Variants in MTRFR observed in about 807,000 individuals in gnomAD.
MTRFR encodes mitochondrial translation release factor in rescue.
Under a neutral mutation model 11.9 loss-of-function variants are expected in MTRFR, and 10 were observed. That is an observed-to-expected ratio of 0.84 (90% confidence interval 0.52 to 1.42). The LOEUF (loss-of-function observed/expected upper bound fraction) is 1.42. MTRFR is among the 40% of genes most tolerant of loss of function. MTRFR has a pLI of 0.00. For synonymous variants in MTRFR, 77 were observed against 79.1 expected (o/e 0.97, Z 0.14); for missense variants, 196 against 197.9 (o/e 0.99, Z 0.06).
At chr12:123,234,427 T>C (rs558928477) in intron 1 of MTRFR, among the ~76,000 whole-genome samples, 1 of 152,156 alleles carries the variant, frequency 6.6e-6, no homozygotes, top group African/African-American at 2.4e-5. Flanking sequence ...ACAAGGTCTC[T>C]CTCTGTCACC....
chr12:123,254,133 T>TCCTC, intron 2 of MTRFR, 177 bp downstream of exon 2: 1 of 687,126 alleles, frequency 1.5e-6, no homozygotes, highest in Non-Finnish European at 2.4e-6. Flanking sequence ...CCTGAGCCAT[T>TCCTC]CCTCCCTAAG....
At chr12:123,249,140 T>C (rs1030626317) in intron 1 of MTRFR, 1 of 152,270 alleles carries the variant, frequency 6.6e-6, no homozygotes, top group African/African-American at 2.4e-5. Flanking sequence ...AGGGTGCTGA[T>C]TGGTGTATTT....
At chr12:123,252,404 C>G (rs2048124082) in intron 1 of MTRFR, 1 of 150,312 alleles carries the variant, frequency 6.7e-6, no homozygotes, top group Non-Finnish European at 1.5e-5. Flanking sequence ...TGCAGTCCAG[C>G]CTGGGCGACA....
intron 1 of MTRFR, among the ~76,000 whole-genome samples, chr12:123,244,912 T>C (rs2048011935): frequency 1.4e-5 from 2 of 143,570 alleles, no homozygotes; most frequent in East Asian, 2.1e-4. Flanking sequence ...ATTACAGGTA[T>C]GAGCCACCGC....
chr12:123,253,069 A>ATTTTTTTTTTT (rs1565997436), intron 1 of MTRFR, among the ~76,000 whole-genome samples: 1 of 42,818 alleles, frequency 2.3e-5, no homozygotes, highest in South Asian at 8.0e-4. Flanking sequence ...CGTTCCTTTG[A>ATTTTTTTTTTT]ATTTTTTTTT....
At chr12:123,242,476 C>T (rs567623729) in intron 1 of MTRFR, among the ~76,000 whole-genome samples, 127 of 152,212 alleles carry the variant, frequency 8.3e-4, no homozygotes, top group Middle Eastern at 3.4e-3. Flanking sequence ...AAATCCAATT[C>T]GTATTTTTTT....
chr12:123,256,219 G>A (rs1455786933), intron 2 of MTRFR, among the ~76,000 whole-genome samples: 1 of 152,126 alleles, frequency 6.6e-6, no homozygotes, highest in Non-Finnish European at 1.5e-5. Flanking sequence ...CACACAAAGT[G>A]GTTGTTAACT....
At chr12:123,238,690 CA>C (rs2047887915) in intron 1 of MTRFR, among the ~76,000 whole-genome samples, 1 of 152,156 alleles carries the variant, frequency 6.6e-6, no homozygotes. Flanking sequence ...TGTTCTGGAA[CA>C]ATGCTTGTCA....
chr12:123,239,648 C>T (rs1280659649), intron 1 of MTRFR, among the ~76,000 whole-genome samples: 2 of 152,232 alleles, frequency 1.3e-5, no homozygotes, highest in East Asian at 3.9e-4. Flanking sequence ...ATGATCTGCC[C>T]GCCTTGGCCT....
chr12:123,241,311 A>ATTTTT (rs1305219767), intron 1 of MTRFR, among the ~76,000 whole-genome samples: 1 of 151,166 alleles, frequency 6.6e-6, no homozygotes, highest in East Asian at 2.0e-4. Context: ...TTTTTATTGT[A>ATTTTT]TTTTTTATTT....
At chr12:123,240,496 A>G (rs2047915897) in intron 1 of MTRFR, 1 of 152,076 alleles carries the variant, frequency 6.6e-6, no homozygotes, top group African/African-American at 2.4e-5. Flanking sequence ...CAATCTTCGT[A>G]AAGCACACTG....
chr12:123,244,287 C>T lies in MTRFR; in HGVS notation c.-28-9360C>T, dbSNP rs980182580. On this transcript the variant is annotated intron_variant, in intron 1 of 2. Coordinates refer to ENST00000253233, the MANE Select transcript of MTRFR (RefSeq NM_152269.5). ...GTCTCTACTAAAAATACAAAATTAG[C>T]CGGGCGTGGTAGCACATGCCTGTAG... 6.6e-5 allele frequency among the ~76,000 whole-genome samples: 10 copies of T among 152,050 alleles called. No homozygotes were observed. The East Asian group carries it at 1.9e-3, about 29-fold the overall frequency.
intron 1 of MTRFR, among the ~76,000 whole-genome samples, chr12:123,238,046 C>A (rs553504369): frequency 6.6e-6 from 1 of 152,148 alleles, no homozygotes; most frequent in East Asian, 1.9e-4. Flanking sequence ...CAGGTGCACA[C>A]CACCACATCT....
intron 1 of MTRFR, among the ~76,000 whole-genome samples, chr12:123,247,525 AC>A (rs1316223667): frequency 6.6e-6 from 1 of 152,108 alleles, no homozygotes; most frequent in Non-Finnish European, 1.5e-5. Context: ...CTTTAAGTTT[AC>A]GTGAGTCTTT....
At chr12:123,245,842 A>T (rs1180799627) in intron 1 of MTRFR, among the ~76,000 whole-genome samples, 1 of 152,178 alleles carries the variant, frequency 6.6e-6, no homozygotes, top group Non-Finnish European at 1.5e-5. Flanking sequence ...CGATCACATC[A>T]TTAGCAAACA....
intron 1 of MTRFR, among the ~76,000 whole-genome samples, chr12:123,236,020 T>A (rs1007809101): frequency 2.0e-5 from 3 of 151,790 alleles, no homozygotes; most frequent in African/African-American, 7.3e-5. Context: ...GCCAAGATGG[T>A]GCCACTGCAC....
At chr12:123,256,726 C>A in intron 2 of MTRFR, 87 bp from the exon 3 acceptor site, 2 of 1,034,112 alleles carry the variant, frequency 1.9e-6, no homozygotes, top group Non-Finnish European at 3.0e-6. Context: ...AATAAAAAAG[C>A]GAACAGGTTG....
chr12:123,250,868 G>A (rs1379160379), intron 1 of MTRFR: 4 of 152,226 alleles, frequency 2.6e-5, no homozygotes, highest in Non-Finnish European at 4.4e-5. Context: ...AATATGGGGA[G>A]GAACCAGCAG....
intron 1 of MTRFR, among the ~76,000 whole-genome samples, chr12:123,245,430 G>A (rs955601222): frequency 3.3e-5 from 5 of 152,106 alleles, no homozygotes; most frequent in African/African-American, 1.2e-4. Flanking sequence ...GATGGTGGTG[G>A]TATTTTGATG....
Sources: gnomAD v4.1 joint callset for allele counts (sites outside exome capture counted in the v4.1 genomes callset) on GRCh38, gnomAD v4.1.1 for gene constraint, MANE v1.5 for transcripts, NCBI Gene and HGNC (gene_info 2026-07-23, HGNC 2026-07-21) for gene names.